The following FRAS1 variants were observed in gnomAD, a reference collection of about 807,000 sequenced individuals.
FRAS1 encodes Fraser extracellular matrix complex subunit 1, also known as extracellular matrix organizing protein FRAS1.
FRAS1 carries 290 observed loss-of-function variants against 435.2 expected under a neutral mutation model. That is an observed-to-expected ratio of 0.67 (90% CI 0.61 to 0.73). The LOEUF is 0.73. Ranked by LOEUF, FRAS1 falls within the 30% of genes least tolerant of loss-of-function variation. The pLI, the probability that FRAS1 is intolerant of heterozygous loss-of-function variation, is 0.00. For missense variants in FRAS1, 4,860 were observed against 5,001.5 expected (o/e 0.97, Z 0.85); for synonymous variants, 1,800 against 1,851.0 (o/e 0.97, Z 0.71).
chr4:78,395,734 C>A (rs1298765159), intron 29 of FRAS1, among the ~76,000 whole-genome samples: 1 of 152,096 alleles, frequency 6.6e-6, no homozygotes, highest in African/African-American at 2.4e-5. Context: ...TCACTTTCAG[C>A]CTATATGTCT....
intron 2 of FRAS1, among the ~76,000 whole-genome samples, chr4:78,090,564 A>T (rs1741464617): frequency 2.0e-5 from 3 of 152,132 alleles, no homozygotes. Flanking sequence ...TTTTAAACTT[A>T]ATCTTGGAGT....
chr4:78,312,179 C>CATATATATATAT (rs10526590), intron 15 of FRAS1, among the ~76,000 whole-genome samples: 2,838 of 128,530 alleles, frequency 0.022, 144 homozygotes, highest in African/African-American at 0.072. Flanking sequence ...ATCTGAAGTC[C>CATATATATATAT]ATATATATAT....
At chr4:78,089,221 T>A (rs979278639) in intron 2 of FRAS1, among the ~76,000 whole-genome samples, 22 of 140,042 alleles carry the variant, frequency 1.6e-4, no homozygotes, top group Non-Finnish European at 4.5e-5. Context: ...TAGGTGGGAA[T>A]TGAACAATGA....
intron 3 of FRAS1, among the ~76,000 whole-genome samples, chr4:78,238,500 T>C (rs1418870024): frequency 6.6e-6 from 1 of 151,908 alleles, no homozygotes; most frequent in Non-Finnish European, 1.5e-5. Context: ...TTATGCCATC[T>C]AATGCTAATA....
intron 2 of FRAS1, among the ~76,000 whole-genome samples, chr4:78,138,620 G>A (rs1376820387): frequency 6.6e-6 from 1 of 152,004 alleles, no homozygotes; most frequent in Non-Finnish European, 1.5e-5. Flanking sequence ...TGTGTTCCTG[G>A]ACAAGTGACT....
At chr4:78,540,381 T>A in intron 73 of FRAS1, 150 bp from the exon 74 acceptor site, 1 of 463,002 alleles carries the variant, frequency 2.2e-6, no homozygotes. Flanking sequence ...CTGGTTCAGT[T>A]CTCTATGTAT....
intron 31 of FRAS1, among the ~76,000 whole-genome samples, chr4:78,409,075 C>T (rs571685957): frequency 4.6e-4 from 68 of 147,086 alleles, no homozygotes; most frequent in African/African-American, 1.6e-3. Context: ...GCCATGATCA[C>T]GCCACTGCAC....
chr4:78,087,592 C>T (rs1215455494), intron 2 of FRAS1, among the ~76,000 whole-genome samples: 5 of 152,070 alleles, frequency 3.3e-5, no homozygotes, highest in Admixed American at 1.3e-4. Flanking sequence ...GGATACAAAA[C>T]CAATGTACAA....
rs115452216 is a variant in FRAS1, at chr4:78,446,179, A to G, written c.5856+467A>G. 5.8e-3 allele frequency: 5,816 copies of G among 1,000,154 alleles called. 251 individuals are homozygous for G. In the African/African-American group the frequency reaches 0.091, roughly 16 times the overall value. 62.0% of individuals were successfully genotyped at this position (1,000,154 alleles called of 1,614,324 possible). ...GCTTGCTCTACCGAGAGAGAGACAC[A>G]GGGGAGGGGAAAGATAAATCTCAGA... On this transcript the variant is annotated intron_variant, in intron 42 of 73. Coordinates refer to ENST00000512123, the MANE Select transcript of FRAS1 (RefSeq NM_025074.7).
At chr4:78,165,263 C>A (rs1443032438) in intron 2 of FRAS1, among the ~76,000 whole-genome samples, 1 of 152,118 alleles carries the variant, frequency 6.6e-6, no homozygotes, top group Non-Finnish European at 1.5e-5. Context: ...AAAATAGTGC[C>A]TTACAGTGTG....
chr4:78,539,490 C>CT, intron 73 of FRAS1, 50 bp downstream of exon 73: 107 of 1,148,090 alleles, frequency 9.3e-5, no homozygotes, highest in East Asian at 1.5e-4. Context: ...TACTTTAAAG[C>CT]TTGAAAAAAA....
At chr4:78,457,723 A>C (rs1001659680) in intron 47 of FRAS1, among the ~76,000 whole-genome samples, 2 of 152,182 alleles carry the variant, frequency 1.3e-5, no homozygotes, top group South Asian at 4.1e-4. Context: ...TCTTCAGGGA[A>C]CCCTTTCTTG....
chr4:78,128,572 A>G (rs950808667), intron 2 of FRAS1, among the ~76,000 whole-genome samples: 1 of 152,096 alleles, frequency 6.6e-6, no homozygotes, highest in Non-Finnish European at 1.5e-5. Context: ...GTGTCTGTTC[A>G]TATCCTTCAC....
chr4:78,075,836 T>C (rs1400110536), intron 2 of FRAS1, among the ~76,000 whole-genome samples: 1 of 152,160 alleles, frequency 6.6e-6, no homozygotes, highest in African/African-American at 2.4e-5. Context: ...GAAAGGCTCT[T>C]AGGATATAGG....
chr4:78,398,802 G>A (rs1732769443), intron 29 of FRAS1, among the ~76,000 whole-genome samples: 1 of 152,198 alleles, frequency 6.6e-6, no homozygotes, highest in African/African-American at 2.4e-5. Context: ...GGCCAACATG[G>A]TGAAACCCAG....
chr4:78,248,224 T>C (rs1036544525), intron 4 of FRAS1, among the ~76,000 whole-genome samples: 1 of 152,224 alleles, frequency 6.6e-6, no homozygotes, highest in Non-Finnish European at 1.5e-5. Context: ...ATTTCATCTA[T>C]GACCTTCGCA....
intron 41 of FRAS1, among the ~76,000 whole-genome samples, chr4:78,445,094 G>A (rs980263257): frequency 6.6e-6 from 1 of 152,248 alleles, no homozygotes; most frequent in African/African-American, 2.4e-5. Context: ...TGTAGTGAAA[G>A]AGGGTTCCTC....
chr4:78,103,540 T>C (rs1336977564), intron 2 of FRAS1, among the ~76,000 whole-genome samples: 1 of 152,196 alleles, frequency 6.6e-6, no homozygotes. Flanking sequence ...ATGGTTTGAA[T>C]GCTTGTGTCC....
intron 15 of FRAS1, among the ~76,000 whole-genome samples, chr4:78,313,884 G>A (rs1729131424): frequency 6.6e-6 from 1 of 152,000 alleles, no homozygotes; most frequent in African/African-American, 2.4e-5. Context: ...CTTTCATTTG[G>A]TCTAATGACT....
Sources: allele counts gnomAD v4.1 joint callset (sites outside exome capture counted in the v4.1 genomes callset), GRCh38; gene constraint gnomAD v4.1.1; transcripts MANE v1.5; gene names NCBI Gene and HGNC (gene_info 2026-07-23, HGNC 2026-07-21).